CACNA2D3: variants seen among roughly 807,000 people sequenced by gnomAD.
CACNA2D3 encodes the protein voltage-dependent calcium channel subunit alpha-2/delta-3.
A neutral mutation model predicts 160.6 loss-of-function variants in CACNA2D3; 60 were observed. The observed-to-expected ratio is 0.37, with a 90% CI of 0.30 to 0.46. The LOEUF (loss-of-function observed/expected upper bound fraction) is 0.46. Ranked by LOEUF, CACNA2D3 falls within the 20% of genes least tolerant of loss-of-function variation. The pLI, the probability that CACNA2D3 is intolerant of heterozygous loss-of-function variation, is 1.00. For missense variants in CACNA2D3, 1,205 were observed against 1,365.0 expected, an observed-to-expected ratio of 0.88 and a Z score of 1.85; for synonymous variants, 558 against 492.9, an observed-to-expected ratio of 1.13 and a Z score of -1.75.
chr3:54,242,203 C>A (rs182259424), intron 2 of CACNA2D3, among the ~76,000 whole-genome samples: 186 of 152,174 alleles, frequency 1.2e-3, no homozygotes, highest in Non-Finnish European at 1.8e-3. Context: ...GGTAGATCAA[C>A]TGAGGTCAGG....
intron 12 of CACNA2D3, among the ~76,000 whole-genome samples, chr3:54,762,351 T>A (rs1013762591): frequency 6.6e-6 from 1 of 152,196 alleles, no homozygotes; most frequent in Non-Finnish European, 1.5e-5. Flanking sequence ...CCATCTTTAA[T>A]CCCAGTTCCT....
intron 35 of CACNA2D3, among the ~76,000 whole-genome samples, chr3:55,024,452 G>A (rs1381809573): frequency 2.6e-5 from 4 of 152,050 alleles, no homozygotes; most frequent in African/African-American, 9.7e-5. Flanking sequence ...AAGAAGAGAG[G>A]CCTTTAGGAG....
intron 6 of CACNA2D3, among the ~76,000 whole-genome samples, chr3:54,564,395 G>A (rs1017230561): frequency 5.3e-5 from 8 of 152,212 alleles, no homozygotes; most frequent in African/African-American, 1.4e-4. Flanking sequence ...TGGGCAGGAT[G>A]TGGCTCTGTA....
At chr3:54,587,968 A>C (rs1052800950) in intron 9 of CACNA2D3, among the ~76,000 whole-genome samples, 5 of 152,198 alleles carry the variant, frequency 3.3e-5, no homozygotes, top group Non-Finnish European at 4.4e-5. Flanking sequence ...AAATCACCCC[A>C]GCTCATTTTA....
chr3:54,824,443 C>G (rs1005823966), intron 14 of CACNA2D3, among the ~76,000 whole-genome samples: 23 of 152,164 alleles, frequency 1.5e-4, no homozygotes, highest in African/African-American at 4.3e-4. Context: ...GTGAGAATGA[C>G]ATCTGCCCAA....
In CACNA2D3 at chr3:54,461,108, G is replaced by A. The variant is rs569783845; in HGVS notation, c.382-42384G>A. ...GATTTGCGTATATTGAACCAGCCTT[G>A]CATCCCAGGGATGAAGCCCACTTGA... On this transcript the variant is annotated intron_variant, in intron 4 of 37. Transcript: ENST00000474759. Among the ~76,000 whole-genome samples the A allele has an allele frequency of 9.9e-5, 15 of 152,226 alleles. 1 individual carries two copies. The East Asian group carries it at 2.9e-3, about 29-fold the overall frequency.
intron 2 of CACNA2D3, among the ~76,000 whole-genome samples, chr3:54,157,853 A>C (rs1393631163): frequency 6.7e-6 from 1 of 150,306 alleles, no homozygotes; most frequent in East Asian, 1.9e-4. Flanking sequence ...AAAAAAAAAA[A>C]AAGAAATGGG....
chr3:54,402,814 G>C (rs1167759458), intron 4 of CACNA2D3, among the ~76,000 whole-genome samples: 2 of 152,160 alleles, frequency 1.3e-5, no homozygotes, highest in South Asian at 4.1e-4. Flanking sequence ...CCATCCAACA[G>C]CAGCAGAATA....
rs775379312 is a variant in CACNA2D3 at position 54,837,230 on chromosome 3, C to A, written c.1470C>A (p.Thr490=). Residue 490 remains threonine, a splice_region_variant and synonymous_variant, in exon 15 of 38, where the codon ACC becomes ACA. Coordinates refer to ENST00000474759, the MANE Select transcript of CACNA2D3 (RefSeq NM_018398.3). The stretch of plus-strand genomic sequence containing the variant: ...CTGTGTTTAGTAAGCAGAACGAAAC[C>A]GTGAGTACAGTCGCTGAGCTTCCTG... ...AMPVFSKQNE[T]RSKGILLGVV... is the part of the protein sequence containing the mutation. The A allele has an allele frequency of 6.2e-7, 1 of 1,613,562 alleles. No individual in the cohort carries two copies. The highest frequency in any genetic ancestry group is 1.7e-5 in the Admixed American group (1 of 60,030).
At chr3:54,454,794 C>T (rs1190633593) in intron 4 of CACNA2D3, among the ~76,000 whole-genome samples, 1 of 152,084 alleles carries the variant, frequency 6.6e-6, no homozygotes, top group Non-Finnish European at 1.5e-5. Context: ...CTACTCTCTG[C>T]TTATATGGGA....
chr3:54,812,627 T>C (rs1263680451), intron 13 of CACNA2D3, among the ~76,000 whole-genome samples: 1 of 152,204 alleles, frequency 6.6e-6, no homozygotes, highest in Non-Finnish European at 1.5e-5. Context: ...TCATCCCTGC[T>C]TTCTCTTCTG....
intron 11 of CACNA2D3, among the ~76,000 whole-genome samples, chr3:54,709,842 C>G (rs1700922811): frequency 6.6e-6 from 1 of 152,154 alleles, no homozygotes; most frequent in Non-Finnish European, 1.5e-5. Context: ...GGGAGGATTA[C>G]TTGATCCTAG....
intron 4 of CACNA2D3, among the ~76,000 whole-genome samples, chr3:54,417,420 G>C (rs1699770181): frequency 6.6e-6 from 1 of 152,142 alleles, no homozygotes; most frequent in Non-Finnish European, 1.5e-5. Context: ...CAAGTCATAT[G>C]TTCTTTCAGA....
intron 2 of CACNA2D3, among the ~76,000 whole-genome samples, chr3:54,280,534 C>G (rs1702853590): frequency 6.8e-6 from 1 of 147,476 alleles, no homozygotes; most frequent in Admixed American, 6.7e-5. Context: ...GGCCTGAACA[C>G]TGTACTAAAA....
intron 11 of CACNA2D3, among the ~76,000 whole-genome samples, chr3:54,649,373 T>C (rs1361132039): frequency 6.6e-6 from 1 of 152,220 alleles, no homozygotes; most frequent in Non-Finnish European, 1.5e-5. Context: ...TTCAGGTCAC[T>C]GTGGTAACAG....
intron 27 of CACNA2D3, among the ~76,000 whole-genome samples, chr3:54,932,658 C>G (rs180705947): frequency 4.9e-4 from 74 of 152,312 alleles, no homozygotes; most frequent in African/African-American, 1.7e-3. Context: ...CTGTCTTTCT[C>G]TGCCAAGGGG....
intron 4 of CACNA2D3, among the ~76,000 whole-genome samples, chr3:54,437,280 G>C (rs1303013903): frequency 6.6e-6 from 1 of 152,138 alleles, no homozygotes; most frequent in African/African-American, 2.4e-5. Context: ...TCATTTTTCT[G>C]TCCCTTTATT....
At chr3:54,663,840 A>G (rs1460602357) in intron 11 of CACNA2D3, among the ~76,000 whole-genome samples, 1 of 152,154 alleles carries the variant, frequency 6.6e-6, no homozygotes, top group Non-Finnish European at 1.5e-5. Flanking sequence ...AGTGTGGAAG[A>G]TGGCCACTTC....
intron 4 of CACNA2D3, among the ~76,000 whole-genome samples, chr3:54,498,840 T>C (rs1701244184): frequency 6.6e-6 from 1 of 152,112 alleles, no homozygotes; most frequent in African/African-American, 2.4e-5. Context: ...GACATATGTA[T>C]TATTAATAAG....
Sources: gnomAD v4.1 joint callset for allele counts (sites outside exome capture counted in the v4.1 genomes callset) on GRCh38, gnomAD v4.1.1 for gene constraint, MANE v1.5 for transcripts, NCBI Gene and HGNC (gene_info 2026-07-23, HGNC 2026-07-21) for gene names.